HECW2: variants seen among roughly 807,000 people sequenced by gnomAD.
HECW2 encodes E3 ubiquitin-protein ligase HECW2.
Under a neutral mutation model 175.2 loss-of-function variants are expected in HECW2, and 61 were observed. That is an observed-to-expected ratio of 0.35 (90% CI 0.28 to 0.43). The LOEUF is 0.43. HECW2 is among the 20% of genes least tolerant of loss of function. The probability of loss-of-function intolerance (pLI) is 1.00; values close to 1 mark genes in which losing one functional copy is unlikely to be tolerated. For synonymous variants in HECW2, 671 were observed against 731.0 expected (o/e 0.92, Z 1.32); for missense variants, 1,524 against 2,000.5 (o/e 0.76, Z 4.54).
intron 1 of HECW2, among the ~76,000 whole-genome samples, chr2:196,520,313 G>A (rs1688313907): frequency 6.6e-6 from 1 of 151,040 alleles, no homozygotes; most frequent in Admixed American, 6.6e-5. Context: ...GTGCCATTAA[G>A]GCTGGCATCT....
rs968514796 is a variant in HECW2 at position 196,198,637 on chromosome 2, T to C, written c.*2640A>G. 1.3e-5 allele frequency: 2 copies of C among 152,172 alleles called. No homozygotes were observed. The highest frequency in any genetic ancestry group is 1.3e-4 in the Admixed American group (2 of 15,276). The allele number at this position is 152,172 out of a possible 1,614,324, so 9.4% of individuals were successfully genotyped here. A position where few individuals can be genotyped will look rare whatever the true frequency, so the allele number is the denominator to read the frequency against. On this transcript the variant is annotated 3_prime_UTR_variant, in exon 29 of 29. Transcript: ENST00000644978. ...ACATATATGATGTATTAAGAGTGTC[T>C]TCTATAGTATAAAGAGCATCACTTA...
chr2:196,413,411 T>C (rs1695169052), intron 2 of HECW2, among the ~76,000 whole-genome samples: 1 of 151,936 alleles, frequency 6.6e-6, no homozygotes, highest in African/African-American at 2.4e-5. Flanking sequence ...TGTGGTTCAA[T>C]CTTGGTTCAC....
chr2:196,305,760 C>A (rs1691233733), intron 13 of HECW2, among the ~76,000 whole-genome samples: 2 of 152,064 alleles, frequency 1.3e-5, no homozygotes, highest in Non-Finnish European at 2.9e-5. Context: ...ATGCTGAATC[C>A]TTTTTGTCTA....
At chr2:196,444,765 G>A (rs1302506889) in intron 1 of HECW2, among the ~76,000 whole-genome samples, 1 of 152,258 alleles carries the variant, frequency 6.6e-6, no homozygotes, top group South Asian at 2.1e-4. Context: ...TCATTAGGCT[G>A]AGATCTGAAG....
chr2:196,576,947 T>G (rs1690584158), intron 1 of HECW2, among the ~76,000 whole-genome samples: 1 of 152,158 alleles, frequency 6.6e-6, no homozygotes, highest in Non-Finnish European at 1.5e-5. Context: ...TTCAATCATC[T>G]AAGAATAAAA....
chr2:196,271,079 T>C lies in HECW2; in HGVS notation c.3335+114A>G, dbSNP rs1689717337. 4.5e-6 allele frequency: 3 copies of C among 673,632 alleles called. No homozygotes were observed. The East Asian group carries it at 8.1e-5, about 18-fold the overall frequency. 41.7% of individuals were successfully genotyped at this position (673,632 alleles called of 1,614,324 possible). On this transcript the variant is annotated intron_variant, in intron 17 of 28. Transcript: ENST00000644978. ...TGACAAAATATTTGCATACAAGATG[T>C]TTTGCAAAGGATGTCAGAAAGAAAG...
intron 27 of HECW2, 24 bp from the exon 28 acceptor site, chr2:196,216,001 GAGA>G: frequency 1.3e-6 from 2 of 1,552,972 alleles, no homozygotes; most frequent in Non-Finnish European, 1.8e-6. Context: ...AAAACAGAAG[GAGA>G]AGGTGAAGCC....
chr2:196,370,780 G>A (rs1693885452), intron 2 of HECW2, among the ~76,000 whole-genome samples: 1 of 152,166 alleles, frequency 6.6e-6, no homozygotes, highest in Admixed American at 6.5e-5. Context: ...GTTCTGCCCA[G>A]CGTTGCTTTC....
At chr2:196,376,999 GA>G (rs1408142596) in intron 2 of HECW2, among the ~76,000 whole-genome samples, 8 of 151,964 alleles carry the variant, frequency 5.3e-5, no homozygotes, top group Admixed American at 2.0e-4. Context: ...TTCCTTGGGG[GA>G]AAAAACATAG....
intron 21 of HECW2, among the ~76,000 whole-genome samples, chr2:196,235,695 G>A (rs186025472): frequency 0.022 from 2,644 of 120,570 alleles, 99 homozygotes; most frequent in African/African-American, 0.079. Context: ...TCGCTCTGTC[G>A]CCCTGGCTGG....
At chr2:196,549,642 G>T in intron 1 of HECW2, among the ~76,000 whole-genome samples, 1 of 147,454 alleles carries the variant, frequency 6.8e-6, no homozygotes, top group East Asian at 2.0e-4. Flanking sequence ...CTACATCAAA[G>T]TTATATCTAC....
At chr2:196,361,229 T>C (rs554637937) in intron 2 of HECW2, among the ~76,000 whole-genome samples, 2 of 152,278 alleles carry the variant, frequency 1.3e-5, no homozygotes, top group East Asian at 3.9e-4. Context: ...TTTGCCACAG[T>C]TGCCACAAGA....
In HECW2 at chr2:196,576,491, T is replaced by C. The variant is rs78880978; in HGVS notation, c.-36+17017A>G. ...CAAGTACTGCATGATCTCACTTATA[T>C]GTGGAATCGAAAACAGTCCAACTCA... On this transcript the variant is annotated intron_variant, in intron 1 of 28. Coordinates refer to ENST00000644978, the MANE Select transcript of HECW2 (RefSeq NM_001348768.2). Among the ~76,000 whole-genome samples the C allele has an allele frequency of 5.9e-4, 90 of 152,294 alleles. 4 individuals carry two copies. The East Asian group carries it at 0.014, about 24-fold the overall frequency.
chr2:196,566,274 A>C (rs1178598556), intron 1 of HECW2, among the ~76,000 whole-genome samples: 1 of 62,124 alleles, frequency 1.6e-5, no homozygotes, highest in African/African-American at 6.2e-5. Flanking sequence ...GCTTTTTCAA[A>C]AATAAGCAAA....
chr2:196,405,695 A>C (rs569806893), intron 2 of HECW2, among the ~76,000 whole-genome samples: 1 of 152,284 alleles, frequency 6.6e-6, no homozygotes, highest in South Asian at 2.1e-4. Flanking sequence ...ATTAATGTGC[A>C]AACATACCAG....
At chr2:196,247,404 C>T (rs1038184381) in intron 19 of HECW2, among the ~76,000 whole-genome samples, 1 of 152,132 alleles carries the variant, frequency 6.6e-6, no homozygotes, top group Non-Finnish European at 1.5e-5. Flanking sequence ...GAAGATTGCG[C>T]TAATAAAATT....
At chr2:196,217,238 A>T (rs575879577) in intron 26 of HECW2, 145 bp from the exon 27 acceptor site, 1 of 561,290 alleles carries the variant, frequency 1.8e-6, no homozygotes, top group Non-Finnish European at 3.1e-6. Flanking sequence ...AAGGAATAAC[A>T]CTGTATATAT....
At chr2:196,448,132 T>C (rs1696240269) in intron 1 of HECW2, among the ~76,000 whole-genome samples, 1 of 152,242 alleles carries the variant, frequency 6.6e-6, no homozygotes, top group African/African-American at 2.4e-5. Flanking sequence ...TTTGTGATTA[T>C]AACCTAAATG....
intron 2 of HECW2, among the ~76,000 whole-genome samples, chr2:196,372,953 T>C (rs1404655579): frequency 2.0e-5 from 3 of 152,130 alleles, no homozygotes; most frequent in East Asian, 1.9e-4. Context: ...ATCTGTACAA[T>C]TGGGATAACG....
Sources: allele counts gnomAD v4.1 joint callset (sites outside exome capture counted in the v4.1 genomes callset), GRCh38; gene constraint gnomAD v4.1.1; transcripts MANE v1.5; gene names NCBI Gene and HGNC (gene_info 2026-07-23, HGNC 2026-07-21).